The following ZNF582 variants were observed in gnomAD, a reference collection of about 807,000 sequenced individuals.
The protein encoded by ZNF582 is zinc finger protein 582.
Under a neutral mutation model 12.3 loss-of-function variants are expected in ZNF582, and 14 were observed. The observed-to-expected ratio is 1.14, with a 90% confidence interval of 0.75 to 1.78. The LOEUF (loss-of-function observed/expected upper bound fraction) is 1.78. Among genes scored for constraint, ZNF582 ranks in the 40% most tolerant of loss-of-function variants. The pLI, the probability that ZNF582 is intolerant of heterozygous loss-of-function variation, is 0.00. For missense variants in ZNF582, 567 were observed against 616.5 expected (o/e 0.92, Z 0.85); for synonymous variants, 210 against 207.2 (o/e 1.01, Z -0.11).
At position 56,384,953 on chromosome 19, in the gene ZNF582, T is replaced by A. The variant is rs757928304; in HGVS notation, c.464A>T (p.His155Leu). Reference sequence around the variant, plus strand: ...TTTCTGATAAAAAGTAAGGGATGCATGCTGGTCAAAAGTGGGCATTTCTTC... The same window carrying A: ...TTTCTGATAAAAAGTAAGGGATGCAAGCTGGTCAAAAGTGGGCATTTCTTC... Residue 155 changes from histidine to leucine, a missense_variant, in exon 5 of 5, where the codon CAT becomes CTT. Coordinates refer to ENST00000586929, the Ensembl canonical transcript of ZNF582. 10 of 1,614,040 alleles carry A rather than the reference T, an allele frequency of 6.2e-6. No individual in the cohort carries two copies. The Admixed American group carries it at 1.7e-4, about 27-fold the overall frequency.
chr19:56,382,939 A>G (rs981068223), exon 5 of ZNF582: 1 of 152,202 alleles, frequency 6.6e-6, no homozygotes, highest in Admixed American at 6.5e-5. Flanking sequence ...AATGTTTAAA[A>G]GCAGGAAGTG....
intron 1 of ZNF582, 22 bp from the exon 2 acceptor site, chr19:56,391,854 A>C: frequency 2.5e-6 from 4 of 1,604,374 alleles, no homozygotes; most frequent in Non-Finnish European, 3.4e-6. Flanking sequence ...AAGAGCAAAC[A>C]TGAGAGGCTA....
At chr19:56,383,796 T>C (rs1051576149) in exon 5 of ZNF582, 7 of 1,481,756 alleles carry the variant, frequency 4.7e-6, no homozygotes, top group Non-Finnish European at 6.2e-6. Context: ...ATGAAGGCAT[T>C]GTCACTGGCA....
At chr19:56,388,030 C>G (rs2041982530) in intron 4 of ZNF582, among the ~76,000 whole-genome samples, 1 of 151,846 alleles carries the variant, frequency 6.6e-6, no homozygotes, top group Non-Finnish European at 1.5e-5. Context: ...GTTTGGCATT[C>G]TTGCATTTAT....
rs2042014411 is a variant in ZNF582, at chr19:56,391,599, G to A, written c.9+145C>T. On this transcript the variant is annotated intron_variant, in intron 2 of 4. Coordinates refer to ENST00000586929, the Ensembl canonical transcript of ZNF582. ...ATAAATCTGTGGGCATTTGTCAGAG[G>A]GGAGAGGACAATGGGAGAGGAGACT... 8.5e-6 allele frequency: 6 copies of A among 708,292 alleles called. No homozygotes were observed. The South Asian group carries it at 1.0e-4, about 12-fold the overall frequency. The allele number at this position is 708,292 out of a possible 1,614,324, so 43.9% of individuals were successfully genotyped here.
intron 4 of ZNF582, chr19:56,388,167 C>G (rs2041984119): frequency 6.6e-6 from 1 of 151,918 alleles, no homozygotes; most frequent in Admixed American, 6.6e-5. Flanking sequence ...GTCCAAAGAA[C>G]CCAGGAGCCA....
intron 4 of ZNF582, chr19:56,387,789 A>G (rs1396107764): frequency 6.6e-6 from 1 of 152,240 alleles, no homozygotes; most frequent in Non-Finnish European, 1.5e-5. Flanking sequence ...ATGTAAAAGT[A>G]TTAACACAGT....
exon 5 of ZNF582, chr19:56,383,790 A>G: frequency 2.3e-5 from 34 of 1,466,782 alleles, no homozygotes; most frequent in Non-Finnish European, 3.1e-5. Flanking sequence ...CTCTGAATGA[A>G]GGCATTGTCA....
chr19:56,391,527 C>T lies in ZNF582; in HGVS notation c.9+217G>A, dbSNP rs539635536. On this transcript the variant is annotated intron_variant, in intron 2 of 4. Transcript: ENST00000586929. ...ATTTCATACAGGGAAATGAGTTTCT[C>T]CTCCTAGCAGACGAAAACCATCAGG... is the stretch of plus-strand genomic sequence containing the variant. Among the ~76,000 whole-genome samples, 27 of 152,296 alleles carry T rather than the reference C, an allele frequency of 1.8e-4. No individual in the cohort carries two copies. In the South Asian group the frequency reaches 3.7e-3, roughly 21 times the overall value.
chr19:56,383,181 G>A (rs947793754), exon 5 of ZNF582: 2 of 152,188 alleles, frequency 1.3e-5, no homozygotes, highest in African/African-American at 4.8e-5. Context: ...ATGGTTGTCT[G>A]TGCCAGTCAC....
chr19:56,382,979 G>A (rs919343446), exon 5 of ZNF582: 1 of 152,182 alleles, frequency 6.6e-6, no homozygotes, highest in African/African-American at 2.4e-5. Flanking sequence ...TGATAAACCT[G>A]TCTCTTCTGA....
chr19:56,386,840 C>T (rs1351023118), intron 4 of ZNF582: 1 of 152,252 alleles, frequency 6.6e-6, no homozygotes, highest in Non-Finnish European at 1.5e-5. Flanking sequence ...GAGCCACCAT[C>T]CCCAGCCTCA....
At chr19:56,390,561 G>A in intron 2 of ZNF582, 60 bp from the exon 3 acceptor site, 13 of 1,597,540 alleles carry the variant, frequency 8.1e-6, no homozygotes, top group Admixed American at 1.7e-5. Flanking sequence ...GGGATGAAAG[G>A]AGATGGGGCA....
At chr19:56,383,240 AG>A (rs1200003825) in exon 5 of ZNF582, 1 of 152,244 alleles carries the variant, frequency 6.6e-6, no homozygotes, top group African/African-American at 2.4e-5. Context: ...TCCTAAATTT[AG>A]ATTATTTCTG....
At chr19:56,390,616 G>A (rs1043486254) in intron 2 of ZNF582, 115 bp from the exon 3 acceptor site, 1 of 1,094,686 alleles carries the variant, frequency 9.1e-7, no homozygotes, top group Middle Eastern at 2.0e-4. Context: ...AAGAAGGGTG[G>A]GACTGAATGT....
chr19:56,391,815 A>C, exon 2 of ZNF582: 1 of 1,614,164 alleles, frequency 6.2e-7, no homozygotes, highest in East Asian at 2.2e-5. Context: ...GGAAGGGCAG[A>C]GTCCTGCGAC....
chr19:56,384,449 C>T (rs143025959), exon 5 of ZNF582: 71 of 1,596,694 alleles, frequency 4.4e-5, no homozygotes, highest in Middle Eastern at 1.7e-4. Flanking sequence ...CAACTGAGAA[C>T]GATGACTAAA....
chr19:56,392,488 G>A (rs894698598), intron 1 of ZNF582, among the ~76,000 whole-genome samples: 1 of 152,236 alleles, frequency 6.6e-6, no homozygotes, highest in African/African-American at 2.4e-5. Flanking sequence ...AAAGCTGCAT[G>A]TCCAATAATA....
intron 1 of ZNF582, among the ~76,000 whole-genome samples, chr19:56,392,273 C>A (rs1214141007): frequency 6.6e-6 from 1 of 152,248 alleles, no homozygotes; most frequent in Non-Finnish European, 1.5e-5. Flanking sequence ...TGAAAGTCTA[C>A]CTGGCTCTTT....
Sources: allele counts gnomAD v4.1 joint callset (sites outside exome capture counted in the v4.1 genomes callset), GRCh38; gene constraint gnomAD v4.1.1; transcripts MANE v1.5; gene names NCBI Gene and HGNC (gene_info 2026-07-23, HGNC 2026-07-21).